AFAP1: variants seen among roughly 807,000 people sequenced by gnomAD.
AFAP1 encodes actin filament associated protein 1.
In AFAP1, 75 loss-of-function variants were observed where a neutral mutation model predicts 93.9. The observed-to-expected ratio is 0.80, with a 90% CI of 0.66 to 0.97. The LOEUF (loss-of-function observed/expected upper bound fraction) is 0.97. Ranked by LOEUF, AFAP1 falls within the 50% of genes least tolerant of loss-of-function variation. The probability of loss-of-function intolerance (pLI) is 0.00; values close to 1 mark genes in which losing one functional copy is unlikely to be tolerated. For missense variants in AFAP1, 1,201 were observed against 1,050.8 expected (o/e 1.14, Z -1.98); for synonymous variants, 517 against 430.7 (o/e 1.20, Z -2.48).
chr4:7,884,399 G>T (rs1560219132), intron 1 of AFAP1, among the ~76,000 whole-genome samples: 1 of 152,060 alleles, frequency 6.6e-6, no homozygotes, highest in East Asian at 1.9e-4. Flanking sequence ...ATTTCATATG[G>T]AAAAAATAAG....
intron 4 of AFAP1, among the ~76,000 whole-genome samples, chr4:7,847,721 C>G (rs930376212): frequency 1.2e-4 from 17 of 147,756 alleles, no homozygotes; most frequent in African/African-American, 4.3e-4. Context: ...TCCTGATTGC[C>G]TTCTAGTCTT....
At chr4:7,854,271 G>A (rs1423981110) in intron 4 of AFAP1, among the ~76,000 whole-genome samples, 2 of 152,182 alleles carry the variant, frequency 1.3e-5, no homozygotes, top group Non-Finnish European at 2.9e-5. Flanking sequence ...CACCTTATCA[G>A]AACTATCCCT....
intron 3 of AFAP1, among the ~76,000 whole-genome samples, chr4:7,865,857 C>T (rs1266235064): frequency 6.6e-6 from 1 of 152,184 alleles, no homozygotes; most frequent in Admixed American, 6.5e-5. Flanking sequence ...ACTCTTCCAG[C>T]TGCTTCTTTT....
At chr4:7,828,582 G>A (rs1156339586) in intron 6 of AFAP1, among the ~76,000 whole-genome samples, 3 of 152,174 alleles carry the variant, frequency 2.0e-5, no homozygotes, top group South Asian at 4.1e-4. Flanking sequence ...GGAGCCTAAT[G>A]AGATGCAGAG....
rs1306480496 is a variant in AFAP1 at position 7,781,416 on chromosome 4, G to C, written c.1742C>G (p.Thr581Ser). The C allele has an allele frequency of 1.3e-6, 2 of 1,551,988 alleles. No individual in the cohort carries two copies. Among genetic ancestry groups the C allele is most frequent in the South Asian group, 2.4e-5 (2 of 84,056 alleles). The change falls in exon 13 of 18, where the codon ACC (threonine) becomes AGC (serine). Residue 581 changes from threonine (T) to serine (S), a missense_variant. Transcript: ENST00000420658. ...GAGAGACGCCCTCCCCACAGAAGAG[G>C]TATTAGTGACAGACTGAGCGGAGGC... ...YPASAQSVTN[T>S]SSVGRASLGL...
chr4:7,781,249 A>T, intron 13 of AFAP1, 127 bp downstream of exon 13: 1 of 1,204,110 alleles, frequency 8.3e-7, no homozygotes. Context: ...ATTATATTCT[A>T]GTTGAGAAAA....
At chr4:7,764,146 C>T (rs547789085) in intron 17 of AFAP1, among the ~76,000 whole-genome samples, 1 of 152,348 alleles carries the variant, frequency 6.6e-6, no homozygotes, top group East Asian at 1.9e-4. Context: ...CACGCTGCAA[C>T]CTGGATGAAC....
intron 1 of AFAP1, among the ~76,000 whole-genome samples, chr4:7,924,852 G>A (rs534471275): frequency 4.0e-5 from 6 of 151,336 alleles, no homozygotes; most frequent in African/African-American, 1.2e-4. Context: ...CACGTGGCCA[G>A]GACTTGACTC....
intron 1 of AFAP1, among the ~76,000 whole-genome samples, chr4:7,938,048 C>G (rs1057064548): frequency 6.6e-6 from 1 of 152,192 alleles, no homozygotes. Flanking sequence ...CCTGGCAGAT[C>G]ATAAGCTCTT....
In AFAP1 at chr4:7,845,488, T is replaced by C. The variant is rs138318086; in HGVS notation, c.335-2138A>G. Reference sequence around the variant, plus strand: ...AGCTAAGGAGATTGAAGAGGTAACTTTGGCAATGGCACTAGGAATGGGCTG... The same window carrying C: ...AGCTAAGGAGATTGAAGAGGTAACTCTGGCAATGGCACTAGGAATGGGCTG... On this transcript the variant is annotated intron_variant, in intron 4 of 17. Transcript: ENST00000420658. Among the ~76,000 whole-genome samples the C allele has an allele frequency of 2.4e-4, 36 of 152,110 alleles. No individual in the cohort carries two copies. In the East Asian group the frequency reaches 7.0e-3, roughly 29 times the overall value.
At chr4:7,807,229 C>T (rs1187094632) in intron 9 of AFAP1, among the ~76,000 whole-genome samples, 3 of 128,290 alleles carry the variant, frequency 2.3e-5, no homozygotes, top group African/African-American at 1.1e-4. Flanking sequence ...AGAGTAGTTT[C>T]CTTCTTGTTG....
chr4:7,808,390 A>G (rs1463146001), intron 9 of AFAP1, among the ~76,000 whole-genome samples: 1 of 152,148 alleles, frequency 6.6e-6, no homozygotes, highest in Non-Finnish European at 1.5e-5. Context: ...ATCGCCAACC[A>G]GAGCCAATTA....
rs142398900 is a variant in AFAP1, at chr4:7,817,475, C to T, written c.823-1376G>A. 1.4e-3 allele frequency among the ~76,000 whole-genome samples: 219 copies of T among 152,218 alleles called. 2 individuals are homozygous for T. The highest frequency in any genetic ancestry group is 4.9e-3 in the African/African-American group (205 of 41,524). ...AAATTAGCCAGGCTTGGTGGAATCC[C>T]AGTTACTCAGGAGGCTGAGACAGGA... On this transcript the variant is annotated intron_variant, in intron 7 of 17. Transcript: ENST00000420658.
At chr4:7,816,129 T>TA in intron 7 of AFAP1, 30 bp from the exon 8 acceptor site, 1 of 1,581,718 alleles carries the variant, frequency 6.3e-7, no homozygotes, top group South Asian at 1.1e-5. Context: ...AAGTTATTCT[T>TA]ACAGTGGTCA....
At chr4:7,787,905 T>A (rs968265675) in intron 11 of AFAP1, among the ~76,000 whole-genome samples, 1 of 152,172 alleles carries the variant, frequency 6.6e-6, no homozygotes, top group African/African-American at 2.4e-5. Context: ...CCACTCTGCC[T>A]GCCGAACTCC....
At chr4:7,917,428 G>C (rs1720146596) in intron 1 of AFAP1, among the ~76,000 whole-genome samples, 1 of 152,122 alleles carries the variant, frequency 6.6e-6, no homozygotes, top group Admixed American at 6.6e-5. Flanking sequence ...CTACCCCAAA[G>C]ACACATTCAT....
chr4:7,883,213 G>A (rs1193488357), intron 1 of AFAP1, among the ~76,000 whole-genome samples: 1 of 148,958 alleles, frequency 6.7e-6, no homozygotes, highest in Non-Finnish European at 1.5e-5. Flanking sequence ...AAAAAGAGGA[G>A]GAGGAGGAAA....
At chr4:7,888,711 G>A (rs1480917762) in intron 1 of AFAP1, among the ~76,000 whole-genome samples, 1 of 151,880 alleles carries the variant, frequency 6.6e-6, no homozygotes, top group Non-Finnish European at 1.5e-5. Context: ...AAATAACTCA[G>A]AAAAAAGACA....
chr4:7,804,854 G>C (rs1221150686), intron 9 of AFAP1, among the ~76,000 whole-genome samples: 1 of 152,180 alleles, frequency 6.6e-6, no homozygotes, highest in African/African-American at 2.4e-5. Flanking sequence ...GAGGAGAGGG[G>C]CCTGCAAGAG....
Sources: gnomAD v4.1 joint callset for allele counts (sites outside exome capture counted in the v4.1 genomes callset) on GRCh38, gnomAD v4.1.1 for gene constraint, MANE v1.5 for transcripts, NCBI Gene and HGNC (gene_info 2026-07-23, HGNC 2026-07-21) for gene names.